Variants in PTBP1 observed in about 807,000 individuals in gnomAD.
PTBP1 encodes the protein polypyrimidine tract-binding protein 1.
Under a neutral mutation model 59.8 loss-of-function variants are expected in PTBP1, and 8 were observed. The ratio of observed to expected loss-of-function variants is 0.13; its 90% confidence interval spans 0.08 to 0.24. The LOEUF (loss-of-function observed/expected upper bound fraction) is 0.24, where lower values mean the gene tolerates loss of function less well. Ranked by LOEUF, PTBP1 falls within the 10% of genes least tolerant of loss-of-function variation. PTBP1 has a pLI of 1.00. For synonymous variants in PTBP1, 490 were observed against 320.7 expected (o/e 1.53, Z -5.64); for missense variants, 686 against 767.0 (o/e 0.89, Z 1.25).
At position 808,307 on chromosome 19, in the gene PTBP1, G is replaced by C. The variant is rs2034672444; in HGVS notation, c.1154-53G>C. The C allele has an allele frequency of 6.9e-7, 1 of 1,442,084 alleles. No individual in the cohort carries two copies. The highest frequency in any genetic ancestry group is 1.9e-5 in the Admixed American group (1 of 51,452). The allele number at this position is 1,442,084 out of a possible 1,614,324, so 89.3% of individuals were successfully genotyped here. ...TGCGCGGGGCCGGGGCTGACGGGGA[G>C]ATGGGCGGGGCAGGCAGCAGGAGAC... On this transcript the variant is annotated intron_variant, in intron 11 of 14. Coordinates refer to ENST00000356948, the MANE Select transcript of PTBP1 (RefSeq NM_002819.5). This position sits in a 1 kb window ranked among gnomAD's most constrained non-coding sequence, Gnocchi z 4.7.
intron 1 of PTBP1, chr19:798,329 G>C (rs988609617): frequency 2.0e-5 from 3 of 152,220 alleles, no homozygotes; most frequent in Admixed American, 2.0e-4. Context: ...CCTCCAGAAA[G>C]GCCGTGTCCC....
Position 808,023 on chromosome 19 carries a change from T to A in PTBP1, c.1153+121T>A. ...GATGCTCCGTGGCATCCGCCTCGTTTTATGGTTTGCTTTCGGTTTGCGAAT... is the reference window on the plus strand; with the variant it reads ...GATGCTCCGTGGCATCCGCCTCGTTATATGGTTTGCTTTCGGTTTGCGAAT... On this transcript the variant is annotated intron_variant, in intron 11 of 14. Coordinates refer to ENST00000356948, the MANE Select transcript of PTBP1 (RefSeq NM_002819.5). The surrounding 1 kb of genome is among the most constrained non-coding windows in gnomAD (Gnocchi z 4.7). 1 of 949,032 alleles carries A rather than the reference T, an allele frequency of 1.1e-6. No homozygotes were observed. The allele number at this position is 949,032 out of a possible 1,614,324, so 58.8% of individuals were successfully genotyped here. A position where few individuals can be genotyped will look rare whatever the true frequency, so the allele number is the denominator to read the frequency against.
At chr19:809,946 C>T (rs2034776911) in intron 13 of PTBP1, among the ~76,000 whole-genome samples, 1 of 152,138 alleles carries the variant, frequency 6.6e-6, no homozygotes, top group African/African-American at 2.4e-5. Flanking sequence ...GTACATCTGG[C>T]CCCAAGCATG....
chr19:806,721 T>TA, intron 10 of PTBP1, 165 bp downstream of exon 10: 1 of 574,586 alleles, frequency 1.7e-6, no homozygotes, highest in Non-Finnish European at 2.8e-6. Flanking sequence ...CCAAGATGGC[T>TA]TGAGTTTTCC....
intron 6 of PTBP1, 27 bp downstream of exon 6, chr19:804,729 C>T: frequency 6.2e-7 from 1 of 1,609,824 alleles, no homozygotes; most frequent in Non-Finnish European, 8.5e-7. Flanking sequence ...ACCGCCAGGG[C>T]AGGTCGGCTG....
At chr19:801,329 C>T (rs764038517) in intron 2 of PTBP1, among the ~76,000 whole-genome samples, 19 of 152,250 alleles carry the variant, frequency 1.2e-4, no homozygotes, top group Non-Finnish European at 2.6e-4. Context: ...GTGTCCCTTC[C>T]GTTCTGCTGG....
intron 2 of PTBP1, among the ~76,000 whole-genome samples, chr19:801,710 G>C (rs975542505): frequency 8.5e-5 from 13 of 152,206 alleles, no homozygotes; most frequent in Admixed American, 8.5e-4. Context: ...GCGAAGGTTG[G>C]AGGCCCTGCG....
At chr19:799,682 T>G (rs903147018) in intron 2 of PTBP1, among the ~76,000 whole-genome samples, 1 of 152,226 alleles carries the variant, frequency 6.6e-6, no homozygotes, top group African/African-American at 2.4e-5. Flanking sequence ...GAGCTGCTCT[T>G]CGGTTCTTGC....
chr19:804,980 C>A (rs1485502820), intron 7 of PTBP1, 33 bp from the exon 8 acceptor site: 2 of 1,612,160 alleles, frequency 1.2e-6, no homozygotes, highest in Non-Finnish European at 1.7e-6. Context: ...CTGGCCCTGG[C>A]CCGGCGACGT....
chr19:808,887 A>C lies in PTBP1; in HGVS notation c.1463+125A>C. 1 of 860,138 alleles carries C rather than the reference A, an allele frequency of 1.2e-6. No homozygotes were observed. Among genetic ancestry groups the C allele is most frequent in the Non-Finnish European group, 1.8e-6 (1 of 545,044 alleles). 53.3% of individuals were successfully genotyped at this position (860,138 alleles called of 1,614,324 possible). A position where few individuals can be genotyped will look rare whatever the true frequency, so the allele number is the denominator to read the frequency against. Reference sequence around the variant, plus strand: ...TGCAGGTCGGGCACCTCTTACCCCAAACCTGAAGTACTGCAAGGCCTGGAG... The same window carrying C: ...TGCAGGTCGGGCACCTCTTACCCCACACCTGAAGTACTGCAAGGCCTGGAG... On this transcript the variant is annotated intron_variant, in intron 13 of 14. Transcript: ENST00000356948. The surrounding 1 kb of genome is among the most constrained non-coding windows in gnomAD (Gnocchi z 4.7).
Position 811,375 on chromosome 19 carries a change from C to T in PTBP1, c.*549C>T, listed in dbSNP as rs767050320. 8 of 151,600 alleles carry T rather than the reference C, an allele frequency of 5.3e-5. No homozygotes were observed. The highest frequency in any genetic ancestry group is 3.3e-4 in the Admixed American group (5 of 15,288). 9.4% of individuals were successfully genotyped at this position (151,600 alleles called of 1,614,324 possible). On this transcript the variant is annotated 3_prime_UTR_variant, in exon 15 of 15. Coordinates refer to ENST00000356948, the MANE Select transcript of PTBP1 (RefSeq NM_002819.5). Reference sequence around the variant, plus strand: ...CACCCCGCCCCCAGGGCCTTCCCTTCTGCCCCCAGGCGGGCTCCCCGCTGC... The same window carrying T: ...CACCCCGCCCCCAGGGCCTTCCCTTTTGCCCCCAGGCGGGCTCCCCGCTGC...
chr19:799,634 G>A (rs931739492), intron 2 of PTBP1, among the ~76,000 whole-genome samples, 191 bp downstream of exon 2: 4 of 152,228 alleles, frequency 2.6e-5, no homozygotes, highest in Admixed American at 2.6e-4. Flanking sequence ...GAGTTTTGGG[G>A]GCTTGGGTTT....
At position 797,605 on chromosome 19, in the gene PTBP1, G is replaced by C. The variant is rs537133543; in HGVS notation, c.8+100G>C. The C allele has an allele frequency of 3.4e-4, 257 of 759,092 alleles. 6 individuals are homozygous for C. In the South Asian group the frequency reaches 0.013, roughly 38 times the overall value. 47.0% of individuals were successfully genotyped at this position (759,092 alleles called of 1,614,324 possible). A position where few individuals can be genotyped will look rare whatever the true frequency, so the allele number is the denominator to read the frequency against. On this transcript the variant is annotated intron_variant, in intron 1 of 14. Transcript: ENST00000356948. ...CCCGGGGCCGATCTCGCCCCCTCTCGGGCGGGAGGGGGCGGCGGGCTCTCC... is the reference window on the plus strand; with the variant it reads ...CCCGGGGCCGATCTCGCCCCCTCTCCGGCGGGAGGGGGCGGCGGGCTCTCC...
chr19:797,897 C>T (rs1352430679), intron 1 of PTBP1, among the ~76,000 whole-genome samples: 2 of 148,942 alleles, frequency 1.3e-5, no homozygotes, highest in Middle Eastern at 3.4e-3. Context: ...TCCCCTCGTG[C>T]GCCTGCGTAG....
At chr19:802,771 G>A (rs552472298) in intron 2 of PTBP1, among the ~76,000 whole-genome samples, 3 of 152,160 alleles carry the variant, frequency 2.0e-5, no homozygotes, top group South Asian at 2.1e-4. Context: ...TCCTTGCAGC[G>A]GGGGGGATGT....
intron 2 of PTBP1, 74 bp from the exon 3 acceptor site, chr19:803,487 C>G: frequency 7.5e-7 from 1 of 1,326,148 alleles, no homozygotes; most frequent in Non-Finnish European, 1.1e-6. Context: ...CAAGTGGGAG[C>G]AGGGCCGGCC....
intron 2 of PTBP1, 136 bp from the exon 3 acceptor site, chr19:803,425 C>A: frequency 1.4e-6 from 1 of 709,542 alleles, no homozygotes; most frequent in Non-Finnish European, 2.5e-6. Flanking sequence ...GCTGCCCTGC[C>A]GTGGAAGTGT....
At position 805,546 on chromosome 19, in the gene PTBP1, C is replaced by T; in HGVS notation, c.947C>T (p.Thr316Ile). The T allele has an allele frequency of 6.2e-7, 1 of 1,613,894 alleles. No homozygotes were observed. The highest frequency in any genetic ancestry group is 1.1e-5 in the South Asian group (1 of 91,084). The change falls in exon 9 of 15, where the codon ACC (threonine) becomes ATC (isoleucine). Residue 316 changes from threonine to isoleucine, a missense_variant. Thr to Ile is a moderately conservative substitution (Grantham distance 89, BLOSUM62 -1). Transcript: ENST00000356948. Reference protein sequence around the residue: ...SPYAGAGFPPTFAIPQAAGLS... With the variant: ...SPYAGAGFPPIFAIPQAAGLS... ...TATGCAGGAGCTGGTTTCCCTCCCACCTTTGCCATTCCTCAAGCTGCAGGT... is the reference window on the plus strand; with the variant it reads ...TATGCAGGAGCTGGTTTCCCTCCCATCTTTGCCATTCCTCAAGCTGCAGGT...
At position 804,175 on chromosome 19, in the gene PTBP1, C is replaced by T. The variant is rs2034456444; in HGVS notation, c.255C>T (p.Val85=). 9 of 1,610,084 alleles carry T rather than the reference C, an allele frequency of 5.6e-6. No homozygotes were observed. The highest frequency in any genetic ancestry group is 6.8e-6 in the Non-Finnish European group (8 of 1,177,564). The change falls in exon 4 of 15, where the codon GTC becomes GTT. Residue 85 remains valine, a synonymous_variant. Coordinates refer to ENST00000356948, the MANE Select transcript of PTBP1 (RefSeq NM_002819.5). The part of the protein sequence containing the change: ...VISLGLPFGK[V]TNLLMLKGKN... Reference sequence around the variant, plus strand: ...CCCTGGGGCTGCCCTTTGGGAAGGTCACCAACCTCCTGATGCTGAAGGGGA... The same window carrying T: ...CCCTGGGGCTGCCCTTTGGGAAGGTTACCAACCTCCTGATGCTGAAGGGGA...
Sources: gnomAD v4.1 joint callset for allele counts (sites outside exome capture counted in the v4.1 genomes callset) on GRCh38, gnomAD v4.1.1 for gene constraint, Gnocchi (gnomAD v3.1) non-coding constraint, MANE v1.5 for transcripts, NCBI Gene and HGNC (gene_info 2026-07-23, HGNC 2026-07-21) for gene names.